Variants in LRP2 observed in about 807,000 individuals in gnomAD.
LRP2 encodes LDL receptor related protein 2.
In LRP2, 172 loss-of-function variants were observed where a neutral mutation model predicts 531.0. That is an observed-to-expected ratio of 0.32 (90% CI 0.29 to 0.37). The LOEUF is 0.37. Among genes scored for constraint, LRP2 ranks in the 10% least tolerant of loss-of-function variants. The pLI is 1.00. For synonymous variants in LRP2, 1,992 were observed against 2,027.6 expected (o/e 0.98, Z 0.47); for missense variants, 5,167 against 5,868.3 (o/e 0.88, Z 3.90).
intron 52 of LRP2, among the ~76,000 whole-genome samples, chr2:169,180,994 A>G (rs922109342): frequency 6.6e-6 from 1 of 152,236 alleles, no homozygotes; most frequent in African/African-American, 2.4e-5. Context: ...CACCTAAAAC[A>G]CTGCACTGCA....
rs1223972992 is a variant in LRP2 at position 169,362,311 on chromosome 2, G to C, written c.79+10C>G. 5 of 1,555,186 alleles carry C rather than the reference G, an allele frequency of 3.2e-6. No individual in the cohort carries two copies. Among genetic ancestry groups the C allele is most frequent in the Non-Finnish European group, 4.3e-6 (5 of 1,150,000 alleles). Reference sequence around the variant, plus strand: ...GGGGGCTCCACGAGAGGCTCTGGCTGGGCTCTTACCTTGGCCACTGGCCGG... The same window carrying C: ...GGGGGCTCCACGAGAGGCTCTGGCTCGGCTCTTACCTTGGCCACTGGCCGG... On this transcript the variant is annotated intron_variant, in intron 1 of 78. Coordinates refer to ENST00000649046, the MANE Select transcript of LRP2 (RefSeq NM_004525.3).
intron 38 of LRP2, among the ~76,000 whole-genome samples, chr2:169,207,956 C>T (rs1054401556): frequency 2.0e-5 from 3 of 152,138 alleles, no homozygotes; most frequent in African/African-American, 4.8e-5. Context: ...ATATTTTGTT[C>T]CTATATCTGA....
chr2:169,358,270 C>T lies in LRP2; in HGVS notation c.79+4051G>A, dbSNP rs867455733. Among the ~76,000 whole-genome samples the T allele has an allele frequency of 5.3e-5, 8 of 152,298 alleles. No homozygotes were observed. The South Asian group carries it at 1.7e-3, about 32-fold the overall frequency. On this transcript the variant is annotated intron_variant, in intron 1 of 78. Transcript: ENST00000649046. Reference sequence around the variant, plus strand: ...CTTAGCTCTGTCACAGGCTAGATGTCCTTAGGCAAGAAACCTATTAACCGC... The same window carrying T: ...CTTAGCTCTGTCACAGGCTAGATGTTCTTAGGCAAGAAACCTATTAACCGC...
intron 68 of LRP2, among the ~76,000 whole-genome samples, chr2:169,149,531 A>G (rs1686046249): frequency 6.6e-6 from 1 of 152,176 alleles, no homozygotes; most frequent in African/African-American, 2.4e-5. Context: ...GAAAGGAATT[A>G]CAAAGACTAA....
At chr2:169,258,684 G>T (rs566504226) in intron 17 of LRP2, among the ~76,000 whole-genome samples, 64 of 152,054 alleles carry the variant, frequency 4.2e-4, no homozygotes, top group Non-Finnish European at 6.0e-4. Context: ...AGCAGGGAAA[G>T]AATTTGGGTC....
intron 10 of LRP2, among the ~76,000 whole-genome samples, chr2:169,281,798 G>C (rs2105452956): frequency 6.6e-6 from 1 of 151,864 alleles, no homozygotes; most frequent in South Asian, 2.1e-4. Context: ...GGAAAGCTCT[G>C]GAAAATATCT....
chr2:169,142,475 C>A (rs1183136148), intron 71 of LRP2, among the ~76,000 whole-genome samples, 199 bp downstream of exon 71: 1 of 152,176 alleles, frequency 6.6e-6, no homozygotes, highest in Non-Finnish European at 1.5e-5. Context: ...GCAAATAATT[C>A]TCAGCAGTCA....
At chr2:169,243,642 C>G (rs774338895) in intron 22 of LRP2, 120 bp from the exon 23 acceptor site, 55 of 1,186,868 alleles carry the variant, frequency 4.6e-5, no homozygotes, top group Non-Finnish European at 6.8e-5. Flanking sequence ...GTTCAAAATT[C>G]TTTTGAATCA....
intron 41 of LRP2, among the ~76,000 whole-genome samples, chr2:169,204,833 A>C (rs763549209): frequency 2.0e-5 from 3 of 152,220 alleles, no homozygotes; most frequent in Non-Finnish European, 4.4e-5. Flanking sequence ...CAGCCATAAT[A>C]AACAAAATCA....
chr2:169,144,391 C>T (rs1424297267), intron 70 of LRP2, among the ~76,000 whole-genome samples: 2 of 138,666 alleles, frequency 1.4e-5, no homozygotes, highest in Non-Finnish European at 3.1e-5. Context: ...CCCACCCCCA[C>T]CCCCACTCCA....
At chr2:169,227,267 A>C (rs6433109) in intron 31 of LRP2, among the ~76,000 whole-genome samples, 84,811 of 152,016 alleles carry the variant, frequency 0.56, 24,760 homozygotes, top group South Asian at 0.76. Flanking sequence ...TAAATGTTTG[A>C]TAACTAAATG....
intron 1 of LRP2, among the ~76,000 whole-genome samples, chr2:169,329,295 C>T (rs1026795791): frequency 4.6e-5 from 7 of 152,178 alleles, no homozygotes; most frequent in Non-Finnish European, 8.8e-5. Flanking sequence ...GTAATCCCAG[C>T]ACTTTGGGAG....
chr2:169,205,723 T>C (rs1171185203), intron 40 of LRP2, 86 bp from the exon 41 acceptor site: 13 of 1,340,232 alleles, frequency 9.7e-6, no homozygotes, highest in African/African-American at 1.5e-5. Context: ...ATTCTTTAAT[T>C]GCAAATTGCC....
chr2:169,143,369 G>A (rs987228351), intron 70 of LRP2, among the ~76,000 whole-genome samples: 7 of 152,272 alleles, frequency 4.6e-5, no homozygotes, highest in Admixed American at 6.5e-5. Context: ...CAGGCCAGGC[G>A]CGGTGGCTCA....
rs1231843339 is a variant in LRP2 at position 169,235,882 on chromosome 2, A to G, written c.4878T>C (p.Asp1626=). The change falls in exon 29 of 79, where the codon GAT becomes GAC. Residue 1626 remains aspartate, a synonymous_variant. Coordinates refer to ENST00000649046, the MANE Select transcript of LRP2 (RefSeq NM_004525.3). ...CCTGTCTCCGATGGTGTCCATTATA[A>G]TCACAAAAGTCCATGTAATCAAGAT... The part of the protein sequence containing the change: ...DSYLDYMDFC[D]YNGHHRRQVI... The G allele has an allele frequency of 6.2e-7, 1 of 1,614,232 alleles. No homozygotes were observed.
intron 48 of LRP2, among the ~76,000 whole-genome samples, chr2:169,191,188 A>G (rs1160473422): frequency 6.6e-6 from 1 of 152,240 alleles, no homozygotes; most frequent in African/African-American, 2.4e-5. Flanking sequence ...GCCCTTCTGC[A>G]TGATATTGAT....
At chr2:169,341,006 T>G (rs183842822) in intron 1 of LRP2, among the ~76,000 whole-genome samples, 2 of 152,316 alleles carry the variant, frequency 1.3e-5, no homozygotes, top group East Asian at 3.9e-4. Context: ...GGTGGTACTC[T>G]TCTAGAGGAA....
chr2:169,151,906 G>A (rs1233654791), intron 67 of LRP2, among the ~76,000 whole-genome samples: 2 of 152,172 alleles, frequency 1.3e-5, no homozygotes, highest in African/African-American at 4.8e-5. Context: ...CTTCTTCAAA[G>A]ATGCTCTTCC....
In LRP2 at chr2:169,132,555, A is replaced by C. The variant is rs776789775; in HGVS notation, c.13728+19T>G. The C allele has an allele frequency of 7.1e-7, 1 of 1,417,866 alleles. No individual in the cohort carries two copies. Among genetic ancestry groups the C allele is most frequent in the Non-Finnish European group, 1.0e-6 (1 of 1,000,838 alleles). The allele number at this position is 1,417,866 out of a possible 1,614,324, so 87.8% of individuals were successfully genotyped here. A position where few individuals can be genotyped will look rare whatever the true frequency, so the allele number is the denominator to read the frequency against. On this transcript the variant is annotated intron_variant, in intron 77 of 78. Transcript: ENST00000649046. Reference sequence around the variant, plus strand: ...GTTTTTCCAAATCCCACATTATTTCAGGAGTCGGCAACTGTTACCTGAGTT... The same window carrying C: ...GTTTTTCCAAATCCCACATTATTTCCGGAGTCGGCAACTGTTACCTGAGTT...
Sources: allele counts gnomAD v4.1 joint callset (sites outside exome capture counted in the v4.1 genomes callset), GRCh38; gene constraint gnomAD v4.1.1; transcripts MANE v1.5; gene names NCBI Gene and HGNC (gene_info 2026-07-23, HGNC 2026-07-21).